The following ITSN1 variants were observed in gnomAD, a reference collection of about 807,000 sequenced individuals.
ITSN1 encodes intersectin 1.
In ITSN1, 58 loss-of-function variants were observed where a neutral mutation model predicts 239.8. The ratio of observed to expected loss-of-function variants is 0.24; its 90% CI spans 0.20 to 0.30. The LOEUF is 0.30. ITSN1 is among the 10% of genes least tolerant of loss of function. ITSN1 has a pLI of 1.00. For synonymous variants in ITSN1, 780 were observed against 770.8 expected (o/e 1.01, Z -0.20); for missense variants, 1,558 against 2,103.3 (o/e 0.74, Z 5.07).
chr21:33,694,197 T>C (rs913905760), intron 1 of ITSN1, among the ~76,000 whole-genome samples: 11 of 152,190 alleles, frequency 7.2e-5, no homozygotes, highest in Admixed American at 3.3e-4. Flanking sequence ...GGTCTTATTT[T>C]TGTTACTTAT....
chr21:33,859,908 C>T (rs962607834), intron 31 of ITSN1, among the ~76,000 whole-genome samples: 9 of 152,308 alleles, frequency 5.9e-5, no homozygotes, highest in Admixed American at 1.3e-4. Flanking sequence ...GGAAGCCTTT[C>T]GAACTTAGGT....
intron 29 of ITSN1, among the ~76,000 whole-genome samples, chr21:33,851,230 G>C (rs1314453448): frequency 6.6e-6 from 1 of 152,096 alleles, no homozygotes; most frequent in East Asian, 1.9e-4. Context: ...GCTTGCTCTT[G>C]CTGGTGCCCA....
At chr21:33,867,436 T>C in intron 33 of ITSN1, 105 bp downstream of exon 33, 2 of 719,406 alleles carry the variant, frequency 2.8e-6, no homozygotes, top group South Asian at 1.6e-5. Flanking sequence ...GTAACTGTTG[T>C]GTAGAAAGCA....
Position 33,894,676 on chromosome 21 carries a change from T to C in ITSN1, c.*6376T>C, listed in dbSNP as rs1285536702. Reference sequence around the variant, plus strand: ...GTTCTGGTTTTATACTTTTATCTTTTGAAAGAATAACATTCCTGTGCGACT... The same window carrying C: ...GTTCTGGTTTTATACTTTTATCTTTCGAAAGAATAACATTCCTGTGCGACT... On this transcript the variant is annotated 3_prime_UTR_variant, in exon 40 of 40. Transcript: ENST00000381318. 2 of 152,268 alleles carry C rather than the reference T, an allele frequency of 1.3e-5. No individual in the cohort carries two copies. Among genetic ancestry groups the C allele is most frequent in the Non-Finnish European group, 2.9e-5 (2 of 68,048 alleles). 9.4% of individuals were successfully genotyped at this position (152,268 alleles called of 1,614,324 possible).
At chr21:33,858,617 G>T (rs2073366) in intron 30 of ITSN1, 69 bp from the exon 31 acceptor site, 1 of 959,226 alleles carries the variant, frequency 1.0e-6, no homozygotes, top group South Asian at 1.4e-5. Flanking sequence ...GCTCTCAGCG[G>T]ATCGGCGTGT....
chr21:33,837,952 C>G, intron 29 of ITSN1: 1 of 985,686 alleles, frequency 1.0e-6, no homozygotes, highest in South Asian at 4.7e-5. Context: ...ATTCCAGTTA[C>G]TTTTCATGGA....
intron 16 of ITSN1, among the ~76,000 whole-genome samples, chr21:33,786,152 G>A (rs1042781032): frequency 6.6e-6 from 1 of 152,152 alleles, no homozygotes; most frequent in Non-Finnish European, 1.5e-5. Context: ...TATTTGAACA[G>A]TGAATTAACC....
intron 14 of ITSN1, among the ~76,000 whole-genome samples, chr21:33,779,731 A>C (rs1448723247): frequency 6.6e-6 from 1 of 152,218 alleles, no homozygotes; most frequent in Non-Finnish European, 1.5e-5. Context: ...AACTCCTTAT[A>C]CATTTGAAAT....
chr21:33,755,464 G>T, intron 8 of ITSN1, 67 bp downstream of exon 8: 1 of 842,770 alleles, frequency 1.2e-6, no homozygotes, highest in Non-Finnish European at 1.9e-6. Context: ...CTAGATATTG[G>T]GTCATAGATA....
rs1182562523 is a variant in ITSN1, at chr21:33,768,190, A to T, written c.1042+362A>T. On this transcript the variant is annotated intron_variant, in intron 11 of 39. Transcript: ENST00000381318. Reference sequence around the variant, plus strand: ...CAGTGCAGAAATAGAAAATCAAATCATCTACTGTTGTTTTCTCATGTTGTT... The same window carrying T: ...CAGTGCAGAAATAGAAAATCAAATCTTCTACTGTTGTTTTCTCATGTTGTT... 2.0e-5 allele frequency among the ~76,000 whole-genome samples: 3 copies of T among 152,212 alleles called. No individual in the cohort carries two copies. In the East Asian group the frequency reaches 5.8e-4, roughly 29 times the overall value.
intron 34 of ITSN1, among the ~76,000 whole-genome samples, chr21:33,879,561 C>T (rs1984552042): frequency 6.6e-6 from 1 of 152,212 alleles, no homozygotes; most frequent in South Asian, 2.1e-4. Context: ...CACTGCCACG[C>T]AGAAATGCCG....
At chr21:33,823,240 T>A (rs2073793249) in intron 24 of ITSN1, among the ~76,000 whole-genome samples, 1 of 152,072 alleles carries the variant, frequency 6.6e-6, no homozygotes, top group Non-Finnish European at 1.5e-5. Flanking sequence ...TGCAGTTGGG[T>A]TTTTTATTCC....
At chr21:33,856,901 C>A in intron 30 of ITSN1, 44 bp downstream of exon 30, 1 of 1,578,584 alleles carries the variant, frequency 6.3e-7, no homozygotes, top group Non-Finnish European at 8.7e-7. Flanking sequence ...GGGGCGATGA[C>A]GGAGGGAGAG....
intron 16 of ITSN1, among the ~76,000 whole-genome samples, chr21:33,785,895 C>A (rs954363189): frequency 4.6e-5 from 7 of 152,108 alleles, no homozygotes; most frequent in Non-Finnish European, 8.8e-5. Context: ...ATGTAAATAT[C>A]TTTCTATTTA....
chr21:33,720,289 G>A (rs1363397209), intron 2 of ITSN1, among the ~76,000 whole-genome samples: 1 of 152,234 alleles, frequency 6.6e-6, no homozygotes, highest in Non-Finnish European at 1.5e-5. Context: ...GAGATGCAAT[G>A]TTTAGATGTT....
At chr21:33,774,558 A>G (rs2147813906) in intron 12 of ITSN1, 171 bp from the exon 13 acceptor site, 2 of 592,588 alleles carry the variant, frequency 3.4e-6, no homozygotes, top group East Asian at 5.7e-5. Flanking sequence ...CTTTATTCCC[A>G]TAGAAGGAAT....
At chr21:33,739,616 G>A (rs73352106) in intron 5 of ITSN1, among the ~76,000 whole-genome samples, 3,272 of 152,252 alleles carry the variant, frequency 0.021, 68 homozygotes, top group African/African-American at 0.06. Context: ...GAACAAGATG[G>A]CCAGGGAAGA....
intron 29 of ITSN1, chr21:33,837,376 C>G: frequency 5.0e-6 from 5 of 995,400 alleles, no homozygotes; most frequent in Non-Finnish European, 6.0e-6. Context: ...TAAATGACTT[C>G]TTTGCTATTT....
intron 26 of ITSN1, among the ~76,000 whole-genome samples, chr21:33,828,770 A>T (rs2074118173): frequency 1.3e-5 from 2 of 152,114 alleles, no homozygotes; most frequent in Admixed American, 1.3e-4. Context: ...GATGAGCCAG[A>T]ACTCAGGCAG....
Sources: allele counts gnomAD v4.1 joint callset (sites outside exome capture counted in the v4.1 genomes callset), GRCh38; gene constraint gnomAD v4.1.1; transcripts MANE v1.5; gene names NCBI Gene and HGNC (gene_info 2026-07-23, HGNC 2026-07-21).